Variants in CFAP299 observed in about 807,000 individuals in gnomAD.
The protein encoded by CFAP299 is cilia- and flagella-associated protein 299.
CFAP299 carries 21 observed loss-of-function variants against 27.0 expected under a neutral mutation model. The observed-to-expected ratio is 0.78, with a 90% CI of 0.55 to 1.12. CFAP299 has a LOEUF of 1.12. Ranked by LOEUF, CFAP299 falls within the 50% of genes most tolerant of loss-of-function variation. CFAP299 has a pLI of 0.00. For missense variants in CFAP299, 310 were observed against 276.6 expected (o/e 1.12, Z -0.86); for synonymous variants, 104 against 98.1 (o/e 1.06, Z -0.36).
At chr4:80,639,571 A>G (rs1283717117) in intron 3 of CFAP299, 1 of 152,314 alleles carries the variant, frequency 6.6e-6, no homozygotes, top group Non-Finnish European at 1.5e-5. Context: ...GTGTGATTCC[A>G]CTTATATAAG....
chr4:80,431,004 C>T (rs1000987143), intron 2 of CFAP299, among the ~76,000 whole-genome samples: 3 of 152,200 alleles, frequency 2.0e-5, no homozygotes, highest in Admixed American at 6.5e-5. Flanking sequence ...CATTCACCTT[C>T]GTGAGACCTC....
chr4:80,536,490 G>C (rs1199167568), intron 2 of CFAP299, among the ~76,000 whole-genome samples: 1 of 152,118 alleles, frequency 6.6e-6, no homozygotes, highest in Admixed American at 6.5e-5. Flanking sequence ...AGCCATGAAA[G>C]TGGCATGATG....
At chr4:80,357,332 C>A (rs1292764008) in intron 1 of CFAP299, among the ~76,000 whole-genome samples, 1 of 152,172 alleles carries the variant, frequency 6.6e-6, no homozygotes, top group Non-Finnish European at 1.5e-5. Context: ...GTTTTGGTAT[C>A]AGAATGATGC....
Position 80,557,461 on chromosome 4 carries a change from ATACT to A in CFAP299, c.243-25629_243-25626del, listed in dbSNP as rs144047088. 6.4e-3 allele frequency among the ~76,000 whole-genome samples: 973 copies of A among 152,218 alleles called. 13 individuals carry two copies. The highest frequency in any genetic ancestry group is 0.022 in the African/African-American group (933 of 41,564). ...AACAGTACAAGCATTAGTTAATAAGATACTTATACTATAGAAGGTCCTATCATTC... is the reference window on the plus strand; with the variant it reads ...AACAGTACAAGCATTAGTTAATAAGATATACTATAGAAGGTCCTATCATTC... On this transcript the variant is annotated intron_variant, in intron 2 of 5. Transcript: ENST00000358105.
intron 2 of CFAP299, among the ~76,000 whole-genome samples, chr4:80,569,639 A>G (rs1292371943): frequency 6.6e-6 from 1 of 152,058 alleles, no homozygotes; most frequent in Non-Finnish European, 1.5e-5. Context: ...TGCATGATGC[A>G]AGGTAATATA....
chr4:80,411,504 T>C lies in CFAP299; in HGVS notation c.242+48620T>C, dbSNP rs1334045109. 2.0e-5 allele frequency among the ~76,000 whole-genome samples: 3 copies of C among 152,278 alleles called. No homozygotes were observed. The South Asian group carries it at 6.2e-4, about 32-fold the overall frequency. On this transcript the variant is annotated intron_variant, in intron 2 of 5. Transcript: ENST00000358105. ...TTTTTTTATCAAAAGATTAGACATT[T>C]ACATGCTATAGTATTTATTGTCTTT...
chr4:80,591,120 TTTTTTTTTTTTA>T (rs1560643007), intron 3 of CFAP299, among the ~76,000 whole-genome samples: 2 of 133,072 alleles, frequency 1.5e-5, no homozygotes, highest in Non-Finnish European at 1.6e-5. Context: ...TTTTTTTTTT[TTTTTTTTTTTTA>T]TTTTTTTTTG....
chr4:80,924,953 T>A (rs1736234201), intron 4 of CFAP299, among the ~76,000 whole-genome samples: 1 of 151,890 alleles, frequency 6.6e-6, no homozygotes, highest in African/African-American at 2.4e-5. Flanking sequence ...TGAAATGTTT[T>A]AAATTACTTT....
At chr4:80,808,276 C>T (rs1728967119) in intron 3 of CFAP299, among the ~76,000 whole-genome samples, 1 of 152,028 alleles carries the variant, frequency 6.6e-6, no homozygotes. Flanking sequence ...GGTTACTAAT[C>T]AGAATTCCAT....
At chr4:80,484,444 G>A (rs1730714216) in intron 2 of CFAP299, among the ~76,000 whole-genome samples, 1 of 152,160 alleles carries the variant, frequency 6.6e-6, no homozygotes, top group South Asian at 2.1e-4. Flanking sequence ...AATGTTTAAT[G>A]ACCTATTGCT....
At chr4:80,770,592 TCA>T (rs1175363137) in intron 3 of CFAP299, among the ~76,000 whole-genome samples, 9 of 152,224 alleles carry the variant, frequency 5.9e-5, no homozygotes, top group Non-Finnish European at 1.5e-5. Context: ...GTGTGTCCTT[TCA>T]CAGTTTTTAA....
At chr4:80,385,047 A>G (rs1190115578) in intron 2 of CFAP299, among the ~76,000 whole-genome samples, 1 of 152,222 alleles carries the variant, frequency 6.6e-6, no homozygotes, top group Non-Finnish European at 1.5e-5. Flanking sequence ...GAATGATTAA[A>G]TGAAGCTATT....
At chr4:80,400,077 C>T (rs1726056414) in intron 2 of CFAP299, among the ~76,000 whole-genome samples, 1 of 151,980 alleles carries the variant, frequency 6.6e-6, no homozygotes, top group Non-Finnish European at 1.5e-5. Context: ...GAAATGTGTG[C>T]TTTACTTACT....
At chr4:80,445,759 G>A (rs912562311) in intron 2 of CFAP299, among the ~76,000 whole-genome samples, 1 of 152,074 alleles carries the variant, frequency 6.6e-6, no homozygotes, top group African/African-American at 2.4e-5. Context: ...AAGCAAATAT[G>A]TACTTCTGTG....
At chr4:80,348,356 C>A (rs866509844) in intron 1 of CFAP299, among the ~76,000 whole-genome samples, 17 of 152,236 alleles carry the variant, frequency 1.1e-4, no homozygotes, top group African/African-American at 4.1e-4. Flanking sequence ...AGACAACATA[C>A]AGAATTGTAG....
intron 3 of CFAP299, among the ~76,000 whole-genome samples, chr4:80,865,796 A>G (rs1251889532): frequency 6.6e-6 from 1 of 151,164 alleles, no homozygotes; most frequent in African/African-American, 2.4e-5. Flanking sequence ...GGAAACCATC[A>G]TTCTCAGCAA....
At chr4:80,953,179 T>C (rs540876475) in intron 5 of CFAP299, among the ~76,000 whole-genome samples, 4 of 152,308 alleles carry the variant, frequency 2.6e-5, no homozygotes, top group African/African-American at 4.8e-5. Context: ...CAAGACTAAA[T>C]TAATATTGGG....
intron 3 of CFAP299, among the ~76,000 whole-genome samples, chr4:80,603,977 C>A (rs1370358748): frequency 6.6e-6 from 1 of 152,108 alleles, no homozygotes; most frequent in Non-Finnish European, 1.5e-5. Flanking sequence ...CATGTGGTAG[C>A]AAAGACAAAG....
chr4:80,868,236 GATT>G (rs113887370), intron 3 of CFAP299, among the ~76,000 whole-genome samples: 18,854 of 151,768 alleles, frequency 0.12, 1,324 homozygotes, highest in Middle Eastern at 0.25. Flanking sequence ...AACTTTCTTT[GATT>G]ATTATTTTTT....
Sources: gnomAD v4.1 joint callset for allele counts (sites outside exome capture counted in the v4.1 genomes callset) on GRCh38, gnomAD v4.1.1 for gene constraint, MANE v1.5 for transcripts, NCBI Gene and HGNC (gene_info 2026-07-23, HGNC 2026-07-21) for gene names.